The following HPSE2 variants were observed in gnomAD, a reference collection of about 807,000 sequenced individuals.
HPSE2 encodes the protein heparanase 2 (inactive).
HPSE2 carries 38 observed loss-of-function variants against 60.5 expected under a neutral mutation model. The observed-to-expected ratio is 0.63, with a 90% CI of 0.48 to 0.82. The LOEUF (loss-of-function observed/expected upper bound fraction) is 0.82, where lower values mean the gene tolerates loss of function less well. Among genes scored for constraint, HPSE2 ranks in the 40% least tolerant of loss-of-function variants. HPSE2 has a pLI of 0.00. For missense variants in HPSE2, 713 were observed against 740.4 expected (o/e 0.96, Z 0.43); for synonymous variants, 295 against 293.2 (o/e 1.01, Z -0.06).
intron 3 of HPSE2, among the ~76,000 whole-genome samples, chr10:99,021,386 T>C (rs1159818626): frequency 6.6e-6 from 1 of 152,164 alleles, no homozygotes; most frequent in Non-Finnish European, 1.5e-5. Flanking sequence ...GTTAAATAAT[T>C]CATCCAAGGT....
chr10:98,868,163 T>C (rs1360820345), intron 3 of HPSE2, among the ~76,000 whole-genome samples: 1 of 151,610 alleles, frequency 6.6e-6, no homozygotes, highest in African/African-American at 2.4e-5. Context: ...TATTCAGCTA[T>C]AAAAAGAATG....
intron 3 of HPSE2, among the ~76,000 whole-genome samples, chr10:98,872,210 G>T (rs1952752679): frequency 6.6e-6 from 1 of 151,958 alleles, no homozygotes; most frequent in South Asian, 2.1e-4. Flanking sequence ...ACTAAGAAAT[G>T]GAATATAATC....
intron 3 of HPSE2, among the ~76,000 whole-genome samples, chr10:99,060,189 A>T (rs79479501): frequency 6.6e-6 from 1 of 152,144 alleles, no homozygotes; most frequent in East Asian, 1.9e-4. Flanking sequence ...GCATAAAAGA[A>T]TGTCCTTGAG....
chr10:99,117,086 C>T (rs1451240599), intron 3 of HPSE2, among the ~76,000 whole-genome samples: 1 of 151,946 alleles, frequency 6.6e-6, no homozygotes, highest in East Asian at 1.9e-4. Flanking sequence ...CCAGAGAATA[C>T]CTTTTTTTGC....
intron 6 of HPSE2, among the ~76,000 whole-genome samples, chr10:98,655,717 T>C (rs1304239227): frequency 6.6e-6 from 1 of 152,220 alleles, no homozygotes; most frequent in Non-Finnish European, 1.5e-5. Context: ...CTTTTGCAGT[T>C]GTGCTGGGAA....
At chr10:98,944,441 C>A (rs140405787) in intron 3 of HPSE2, among the ~76,000 whole-genome samples, 1 of 152,228 alleles carries the variant, frequency 6.6e-6, no homozygotes, top group Non-Finnish European at 1.5e-5. Flanking sequence ...ATTCTCTTTG[C>A]ACAATGCTAG....
Position 98,914,205 on chromosome 10 carries a change from T to C in HPSE2, c.611-170149A>G, listed in dbSNP as rs181018666. On this transcript the variant is annotated intron_variant, in intron 3 of 11. Transcript: ENST00000370552. ...GGTCTCATGAGATCTGATGGTTCTATAAGGGGGAGTTTCCCTGCACAAGCT... is the reference window on the plus strand; with the variant it reads ...GGTCTCATGAGATCTGATGGTTCTACAAGGGGGAGTTTCCCTGCACAAGCT... 2.0e-5 allele frequency among the ~76,000 whole-genome samples: 3 copies of C among 152,242 alleles called. No homozygotes were observed. In the East Asian group the frequency reaches 5.8e-4, roughly 29 times the overall value.
At chr10:98,983,847 C>T (rs1269531169) in intron 3 of HPSE2, among the ~76,000 whole-genome samples, 1 of 152,202 alleles carries the variant, frequency 6.6e-6, no homozygotes, top group Non-Finnish European at 1.5e-5. Context: ...GAGATTATAT[C>T]CTGCGCCTGG....
At chr10:99,047,533 C>G in intron 3 of HPSE2, 1 of 486,870 alleles carries the variant, frequency 2.1e-6, no homozygotes, top group Non-Finnish European at 3.6e-6. Flanking sequence ...AAGAGACAAC[C>G]TACACGATAG....
intron 3 of HPSE2, among the ~76,000 whole-genome samples, chr10:99,043,270 G>T (rs1957782493): frequency 6.6e-6 from 1 of 152,220 alleles, no homozygotes; most frequent in Middle Eastern, 3.4e-3. Context: ...GGATCATGAG[G>T]TCAGGAGATC....
At chr10:99,117,417 GAAAAAAAAAA>G (rs1157232317) in intron 3 of HPSE2, among the ~76,000 whole-genome samples, 12 of 24,816 alleles carry the variant, frequency 4.8e-4, no homozygotes, top group African/African-American at 2.3e-3. Context: ...TTGTTTTTTT[GAAAAAAAAAA>G]AAAAAAAAAA....
intron 9 of HPSE2, among the ~76,000 whole-genome samples, chr10:98,597,455 A>C (rs1564999178): frequency 6.6e-6 from 1 of 151,720 alleles, no homozygotes; most frequent in East Asian, 2.0e-4. Flanking sequence ...GCCTGAGCTC[A>C]GGAGTTCGAG....
chr10:99,075,750 T>C (rs928069869), intron 3 of HPSE2, among the ~76,000 whole-genome samples: 1 of 152,182 alleles, frequency 6.6e-6, no homozygotes, highest in African/African-American at 2.4e-5. Context: ...ATCTTCTTGG[T>C]GAATTTACTC....
intron 4 of HPSE2, among the ~76,000 whole-genome samples, chr10:98,729,534 G>A (rs1326546256): frequency 5.3e-5 from 8 of 152,046 alleles, no homozygotes; most frequent in Non-Finnish European, 1.2e-4. Flanking sequence ...GCGTGAACCT[G>A]ATAGGTGGAG....
At chr10:99,088,851 T>C (rs111333436) in intron 3 of HPSE2, among the ~76,000 whole-genome samples, 2,481 of 152,212 alleles carry the variant, frequency 0.016, 94 homozygotes, top group East Asian at 0.14. Flanking sequence ...TTTCACCACA[T>C]CCACACCAAC....
intron 4 of HPSE2, among the ~76,000 whole-genome samples, chr10:98,727,796 T>C (rs529219898): frequency 2.0e-5 from 3 of 152,066 alleles, no homozygotes; most frequent in Non-Finnish European, 4.4e-5. Context: ...AATAAAATTA[T>C]TGAACTTAAA....
chr10:99,267,452 A>G, the HPSE2 span, among the ~76,000 whole-genome samples: 2 of 152,132 alleles, frequency 1.3e-5, no homozygotes, highest in Non-Finnish European at 2.9e-5. Context: ...AATTTTTTTT[A>G]AATGAACAAA....
At chr10:99,297,737 G>A in the HPSE2 span, among the ~76,000 whole-genome samples, 1 of 152,018 alleles carries the variant, frequency 6.6e-6, no homozygotes, top group Non-Finnish European at 1.5e-5. Context: ...GTTCACTGCT[G>A]GCCACCCCCT....
intron 3 of HPSE2, among the ~76,000 whole-genome samples, chr10:99,094,399 A>G (rs1843626410): frequency 6.6e-6 from 1 of 150,506 alleles, no homozygotes; most frequent in African/African-American, 2.4e-5. Flanking sequence ...GTGTATACAC[A>G]CATATACATT....
Sources: gnomAD v4.1 joint callset for allele counts (sites outside exome capture counted in the v4.1 genomes callset) on GRCh38, gnomAD v4.1.1 for gene constraint, MANE v1.5 for transcripts, NCBI Gene and HGNC (gene_info 2026-07-23, HGNC 2026-07-21) for gene names.